Variants in DMD observed in about 807,000 individuals in gnomAD.
The protein encoded by DMD is mutant dystrophin.
DMD carries 63 observed loss-of-function variants against 330.1 expected under a neutral mutation model. That is an observed-to-expected ratio of 0.19 (90% CI 0.16 to 0.24). DMD has a LOEUF of 0.24. Among genes scored for constraint, DMD ranks in the 10% least tolerant of loss-of-function variants. The pLI is 1.00. For missense variants in DMD, 3,344 were observed against 2,684.1 expected (o/e 1.25, Z -5.43); for synonymous variants, 1,223 against 959.8 (o/e 1.27, Z -5.07).
chrX:32,809,486 T>G lies in DMD; in HGVS notation c.649+7A>C. 1 of 1,199,100 alleles carries G rather than the reference T, an allele frequency of 8.3e-7. No homozygotes were observed. The highest frequency in any genetic ancestry group is 1.1e-6 in the Non-Finnish European group (1 of 884,127). On this transcript the variant is annotated splice_region_variant and intron_variant, in intron 7 of 78. Coordinates refer to ENST00000357033, the MANE Select transcript of DMD (RefSeq NM_004006.3). ...TAAAAGCAGTGGTAGTCCAGAAATT[T>G]ACCAACCTTCAGGATCGAGTAGTTT... is the stretch of plus-strand genomic sequence containing the variant.
intron 2 of DMD, among the ~76,000 whole-genome samples, chrX:32,972,087 G>A (rs1429909631): frequency 2.7e-5 from 3 of 111,712 alleles, no homozygotes; most frequent in African/African-American, 9.7e-5. Context: ...CAATACATCC[G>A]CACTTAGCAA....
At chrX:32,334,035 G>T (rs1452143216) in intron 41 of DMD, among the ~76,000 whole-genome samples, 2 of 111,429 alleles carry the variant, frequency 1.8e-5, no homozygotes, top group Non-Finnish European at 3.8e-5. Flanking sequence ...CTTTCTGGAA[G>T]CTGATACTCG....
intron 2 of DMD, among the ~76,000 whole-genome samples, chrX:32,860,992 G>A (rs1039221250): frequency 7.2e-5 from 8 of 111,850 alleles, no homozygotes; most frequent in African/African-American, 2.0e-4. Context: ...AAAACACGGG[G>A]GAATGGTATG....
chrX:31,866,644 A>C (rs1454703190), intron 48 of DMD, among the ~76,000 whole-genome samples: 1 of 112,426 alleles, frequency 8.9e-6, no homozygotes, highest in East Asian at 2.8e-4. Context: ...TTTTCTCTAT[A>C]AAATAAGACT....
At chrX:32,849,607 G>A in intron 3 of DMD, 121 bp downstream of exon 3, 3 of 534,797 alleles carry the variant, frequency 5.6e-6, no homozygotes, top group Non-Finnish European at 9.7e-6. Flanking sequence ...CTAAGGAATA[G>A]GTATTGCTGT....
Position 31,273,501 on chromosome X carries a change from T to A in DMD, c.9225-12485A>T, listed in dbSNP as rs775117911. 4.5e-5 allele frequency among the ~76,000 whole-genome samples: 5 copies of A among 111,947 alleles called. No individual in the cohort carries two copies. The South Asian group carries it at 1.9e-3, about 42-fold the overall frequency. On this transcript the variant is annotated intron_variant, in intron 62 of 78. Transcript: ENST00000357033. ...GAAATACTCAAATTTCAAAAAAAAA[T>A]TTTAAATGCTAATGTAACCATTGTT...
intron 44 of DMD, among the ~76,000 whole-genome samples, chrX:32,148,602 T>TAA (rs753333585): frequency 1.4e-4 from 15 of 103,566 alleles, no homozygotes; most frequent in Non-Finnish European, 3.0e-4. Context: ...CCCCTTTGAT[T>TAA]AAAAAAAAAA....
intron 2 of DMD, among the ~76,000 whole-genome samples, chrX:32,883,814 ACT>A (rs1431544408): frequency 7.7e-4 from 54 of 70,381 alleles, no homozygotes; most frequent in African/African-American, 2.8e-3. Flanking sequence ...ACAGAGCAAG[ACT>A]CTGTTTCAAA....
At chrX:32,344,841 G>A (rs981058199) in intron 39 of DMD, among the ~76,000 whole-genome samples, 2 of 111,519 alleles carry the variant, frequency 1.8e-5, no homozygotes, top group Non-Finnish European at 3.8e-5. Context: ...GGAAGGGTGT[G>A]AGTTACATAG....
At position 32,731,715 on chromosome X, in the gene DMD, G is replaced by A. The variant is rs989177658; in HGVS notation, c.650-32422C>T. Among the ~76,000 whole-genome samples the A allele has an allele frequency of 2.7e-5, 3 of 111,740 alleles. No homozygotes were observed. The Admixed American group carries it at 2.8e-4, about 11-fold the overall frequency. On this transcript the variant is annotated intron_variant, in intron 7 of 78. Coordinates refer to ENST00000357033, the MANE Select transcript of DMD (RefSeq NM_004006.3). ...CAGCTGAGGGTCCTGTCTGTTAGAA[G>A]GAAAACTAACAAACAGAAAGGACAT...
intron 2 of DMD, among the ~76,000 whole-genome samples, chrX:33,011,530 G>A (rs1198404137): frequency 8.9e-6 from 1 of 112,059 alleles, no homozygotes; most frequent in Non-Finnish European, 1.9e-5. Flanking sequence ...TGTTCCCACA[G>A]CATTTCTATT....
intron 41 of DMD, among the ~76,000 whole-genome samples, chrX:32,338,236 G>C (rs1248011353): frequency 9.0e-6 from 1 of 111,270 alleles, no homozygotes; most frequent in African/African-American, 3.3e-5. Flanking sequence ...CTGATGCTCT[G>C]AGTTTCATTC....
At chrX:32,331,514 A>G (rs2097679717) in intron 41 of DMD, among the ~76,000 whole-genome samples, 1 of 111,672 alleles carries the variant, frequency 9.0e-6, no homozygotes, top group Admixed American at 9.5e-5. Flanking sequence ...TTTGCAGTCA[A>G]TATTTCCTGA....
At chrX:32,316,844 C>T (rs1281621286) in intron 41 of DMD, among the ~76,000 whole-genome samples, 1 of 110,842 alleles carries the variant, frequency 9.0e-6, no homozygotes, top group Non-Finnish European at 1.9e-5. Context: ...TTCCTATTGA[C>T]ACAGTCATGC....
At chrX:33,112,430 C>A (rs2095346760) in intron 1 of DMD, among the ~76,000 whole-genome samples, 1 of 111,433 alleles carries the variant, frequency 9.0e-6, no homozygotes, top group Non-Finnish European at 1.9e-5. Flanking sequence ...TCTTCCTATT[C>A]AAAAATTATT....
intron 43 of DMD, among the ~76,000 whole-genome samples, chrX:32,249,989 C>G (rs893403919): frequency 9.0e-6 from 1 of 110,885 alleles, no homozygotes; most frequent in Admixed American, 9.7e-5. Context: ...TAATGTCCCA[C>G]TTTTTTTGCA....
At chrX:32,851,184 A>G (rs1452759505) in intron 2 of DMD, among the ~76,000 whole-genome samples, 1 of 111,253 alleles carries the variant, frequency 9.0e-6, no homozygotes, top group Admixed American at 9.6e-5. Context: ...TTCCACGATT[A>G]AAAACATAGG....
chrX:32,133,039 C>T (rs779058787), intron 44 of DMD, among the ~76,000 whole-genome samples: 4 of 88,059 alleles, frequency 4.5e-5, no homozygotes, highest in Admixed American at 1.5e-4. Flanking sequence ...TGAAGTCTCG[C>T]TCCATCGCCC....
At chrX:32,897,955 A>T (rs1440003722) in intron 2 of DMD, among the ~76,000 whole-genome samples, 1 of 112,542 alleles carries the variant, frequency 8.9e-6, no homozygotes, top group Non-Finnish European at 1.9e-5. Context: ...CACAAATCCC[A>T]TATGTAGAAT....
Sources: gnomAD v4.1 joint callset for allele counts (sites outside exome capture counted in the v4.1 genomes callset) on GRCh38, gnomAD v4.1.1 for gene constraint, MANE v1.5 for transcripts, NCBI Gene and HGNC (gene_info 2026-07-23, HGNC 2026-07-21) for gene names.